Variants in ARHGAP6 observed in about 807,000 individuals in gnomAD.
ARHGAP6 encodes the protein Rho GTPase activating protein 6, also known as rho GTPase-activating protein 6.
ARHGAP6 carries 16 observed loss-of-function variants against 55.7 expected under a neutral mutation model. The observed-to-expected ratio is 0.29, with a 90% confidence interval of 0.19 to 0.44. The LOEUF is 0.44. Ranked by LOEUF, ARHGAP6 falls within the 20% of genes least tolerant of loss-of-function variation. The pLI, the probability that ARHGAP6 is intolerant of heterozygous loss-of-function variation, is 1.00. For missense variants in ARHGAP6, 698 were observed against 808.9 expected (o/e 0.86, Z 1.66); for synonymous variants, 382 against 360.9 (o/e 1.06, Z -0.66).
At chrX:11,569,043 G>T (rs1272736539) in intron 1 of ARHGAP6, among the ~76,000 whole-genome samples, 2 of 111,967 alleles carry the variant, frequency 1.8e-5, no homozygotes, top group East Asian at 5.6e-4. Flanking sequence ...GTTTTGTACA[G>T]GTGAGCTTTG....
chrX:11,142,981 G>A (rs1323882314), intron 11 of ARHGAP6: 2 of 112,248 alleles, frequency 1.8e-5, no homozygotes, highest in African/African-American at 6.5e-5. Flanking sequence ...TAGAGTTTCT[G>A]TACTATCCTC....
At chrX:11,426,838 G>A (rs778475095) in intron 1 of ARHGAP6, among the ~76,000 whole-genome samples, 1 of 109,733 alleles carries the variant, frequency 9.1e-6, no homozygotes, top group African/African-American at 3.3e-5. Context: ...AATCCCATGA[G>A]CTTTCTCTCT....
chrX:11,593,324 C>T (rs1047355769), intron 1 of ARHGAP6, among the ~76,000 whole-genome samples: 8 of 111,176 alleles, frequency 7.2e-5, no homozygotes, highest in Admixed American at 3.9e-4. Context: ...GGGGAAAAAG[C>T]GGTGAAAAGA....
chrX:11,162,412 G>T (rs2147295924), intron 9 of ARHGAP6, among the ~76,000 whole-genome samples: 1 of 102,403 alleles, frequency 9.8e-6, no homozygotes, highest in South Asian at 4.5e-4. Context: ...TGTTCTCCTT[G>T]CCAGTCAAAT....
At chrX:11,631,649 C>G (rs895450737) in intron 1 of ARHGAP6, among the ~76,000 whole-genome samples, 1 of 111,732 alleles carries the variant, frequency 8.9e-6, no homozygotes, top group Non-Finnish European at 1.9e-5. Context: ...GCACAAAAGT[C>G]TACAGCAGGG....
intron 9 of ARHGAP6, among the ~76,000 whole-genome samples, chrX:11,165,561 G>A (rs922509644): frequency 4.5e-5 from 5 of 111,587 alleles, no homozygotes; most frequent in Non-Finnish European, 9.4e-5. Flanking sequence ...TGTTCTAGGT[G>A]CCTTAAAATG....
intron 9 of ARHGAP6, among the ~76,000 whole-genome samples, chrX:11,157,192 C>T (rs1017753928): frequency 8.9e-6 from 1 of 111,902 alleles, no homozygotes; most frequent in African/African-American, 3.2e-5. Flanking sequence ...AGTTTGCTCA[C>T]GTGTAAAATG....
rs1051761508 is a variant in ARHGAP6 at position 11,444,871 on chromosome X, C to T, written c.589-190164G>A. Among the ~76,000 whole-genome samples the T allele has an allele frequency of 5.4e-5, 6 of 112,065 alleles. No individual in the cohort carries two copies. The Admixed American group carries it at 5.7e-4, about 11-fold the overall frequency. ...TGTGACAGGATTTAATAAGGGGGAACAATCTTTTTTCCCCTATCTTTAACA... is the reference window on the plus strand; with the variant it reads ...TGTGACAGGATTTAATAAGGGGGAATAATCTTTTTTCCCCTATCTTTAACA... On this transcript the variant is annotated intron_variant, in intron 1 of 12. Transcript: ENST00000337414.
chrX:11,533,700 A>G (rs1004789655), intron 1 of ARHGAP6, among the ~76,000 whole-genome samples: 1 of 112,169 alleles, frequency 8.9e-6, no homozygotes, highest in Non-Finnish European at 1.9e-5. Flanking sequence ...CCAAATGTTC[A>G]CAGGTCCCAC....
chrX:11,201,057 A>C (rs2046612210), intron 2 of ARHGAP6, among the ~76,000 whole-genome samples: 1 of 111,737 alleles, frequency 8.9e-6, no homozygotes, highest in Non-Finnish European at 1.9e-5. Context: ...AAACCTATCG[A>C]GCTGTATTTG....
chrX:11,354,327 C>CTCTCTATATA (rs1343744315), intron 1 of ARHGAP6, among the ~76,000 whole-genome samples: 101 of 32,337 alleles, frequency 3.1e-3, no homozygotes, highest in Non-Finnish European at 4.5e-3. Context: ...CTCTCTCTCT[C>CTCTCTATATA]TATATATATA....
At chrX:11,513,650 C>T (rs753950802) in intron 1 of ARHGAP6, among the ~76,000 whole-genome samples, 32 of 110,887 alleles carry the variant, frequency 2.9e-4, no homozygotes, top group African/African-American at 9.8e-4. Context: ...GAGACTGAAA[C>T]GTATGAGACC....
At chrX:11,626,490 C>A (rs761916139) in intron 1 of ARHGAP6, among the ~76,000 whole-genome samples, 1 of 111,817 alleles carries the variant, frequency 8.9e-6, no homozygotes, top group Non-Finnish European at 1.9e-5. Context: ...AACTACCTGA[C>A]AATGAACACA....
intron 1 of ARHGAP6, among the ~76,000 whole-genome samples, chrX:11,579,480 C>G (rs1217980696): frequency 8.9e-6 from 1 of 111,964 alleles, no homozygotes; most frequent in Non-Finnish European, 1.9e-5. Context: ...TATTTTCTAA[C>G]TTTATCAATG....
chrX:11,242,460 A>G (rs2047296459), intron 2 of ARHGAP6, among the ~76,000 whole-genome samples: 1 of 111,730 alleles, frequency 9.0e-6, no homozygotes, highest in South Asian at 3.8e-4. Flanking sequence ...TTTTTTTTTC[A>G]AAGCTTTCAG....
rs188627258 is a variant in ARHGAP6 at position 11,643,320 on chromosome X, T to A, written c.588+20921A>T. Among the ~76,000 whole-genome samples the A allele has an allele frequency of 7.6e-4, 85 of 112,172 alleles. 1 individual carries two copies. In the East Asian group the frequency reaches 0.013, roughly 17 times the overall value. Reference sequence around the variant, plus strand: ...TATTTAATATTTTATGCCAAAAAAATTCTGGACAAGTTTACTCCCTGAAGG... The same window carrying A: ...TATTTAATATTTTATGCCAAAAAAAATCTGGACAAGTTTACTCCCTGAAGG... On this transcript the variant is annotated intron_variant, in intron 1 of 12. Transcript: ENST00000337414.
At chrX:11,455,674 C>T (rs996180348) in intron 1 of ARHGAP6, among the ~76,000 whole-genome samples, 15 of 111,770 alleles carry the variant, frequency 1.3e-4, no homozygotes, top group Admixed American at 9.5e-5. Flanking sequence ...CCCCACTATC[C>T]GTGGCTTCTC....
At chrX:11,230,505 T>C (rs762952029) in intron 2 of ARHGAP6, among the ~76,000 whole-genome samples, 1 of 111,409 alleles carries the variant, frequency 9.0e-6, no homozygotes, top group East Asian at 2.8e-4. Context: ...CAAAAGTTGA[T>C]ATTTATGTCA....
intron 1 of ARHGAP6, among the ~76,000 whole-genome samples, chrX:11,608,878 A>AT (rs2052068806): frequency 9.0e-6 from 1 of 110,988 alleles, no homozygotes; most frequent in South Asian, 3.8e-4. Context: ...AATTAAACCT[A>AT]TTTTTCTTCC....
Sources: gnomAD v4.1 joint callset for allele counts (sites outside exome capture counted in the v4.1 genomes callset) on GRCh38, gnomAD v4.1.1 for gene constraint, MANE v1.5 for transcripts, NCBI Gene and HGNC (gene_info 2026-07-23, HGNC 2026-07-21) for gene names.